Variants in TMEM132B observed in about 807,000 individuals in gnomAD.
The protein encoded by TMEM132B is transmembrane protein 132B.
In TMEM132B, 18 loss-of-function variants were observed where a neutral mutation model predicts 90.8. The ratio of observed to expected loss-of-function variants is 0.20; its 90% confidence interval spans 0.14 to 0.29. The LOEUF is 0.29. Among genes scored for constraint, TMEM132B ranks in the 10% least tolerant of loss-of-function variants. The pLI is 1.00. For missense variants in TMEM132B, 1,096 were observed against 1,326.8 expected (o/e 0.83, Z 2.70); for synonymous variants, 504 against 523.3 (o/e 0.96, Z 0.50).
chr12:125,521,177 A>T (rs1271022873), intron 4 of TMEM132B, among the ~76,000 whole-genome samples: 1 of 152,140 alleles, frequency 6.6e-6, no homozygotes, highest in Non-Finnish European at 1.5e-5. Flanking sequence ...TGGGTTTGGA[A>T]GCTACCACTG....
intron 1 of TMEM132B, among the ~76,000 whole-genome samples, chr12:125,332,018 C>T (rs1418255950): frequency 2.0e-5 from 3 of 152,134 alleles, no homozygotes; most frequent in East Asian, 1.9e-4. Context: ...GCTGGGATTA[C>T]AGACGTGAGC....
At chr12:125,430,468 A>G (rs1880467361) in intron 3 of TMEM132B, among the ~76,000 whole-genome samples, 1 of 152,194 alleles carries the variant, frequency 6.6e-6, no homozygotes, top group African/African-American at 2.4e-5. Context: ...GATGGGAGGA[A>G]TGAGGAGAAG....
chr12:125,638,209 C>T (rs1357952143), intron 5 of TMEM132B, among the ~76,000 whole-genome samples: 1 of 152,160 alleles, frequency 6.6e-6, no homozygotes, highest in Non-Finnish European at 1.5e-5. Context: ...CCTTAACTAG[C>T]AGCCTCTCCT....
At chr12:125,356,935 G>A (rs1877793954) in intron 2 of TMEM132B, among the ~76,000 whole-genome samples, 4 of 152,196 alleles carry the variant, frequency 2.6e-5, no homozygotes, top group South Asian at 2.1e-4. Context: ...TTGTGTTAAC[G>A]ACGTAAGATA....
intron 4 of TMEM132B, among the ~76,000 whole-genome samples, chr12:125,520,229 G>T (rs1883273887): frequency 6.6e-6 from 1 of 152,164 alleles, no homozygotes; most frequent in South Asian, 2.1e-4. Context: ...TGAGATCAGG[G>T]TCATGGGTGA....
At position 125,605,837 on chromosome 12, in the gene TMEM132B, A is replaced by T. The variant is rs553843913; in HGVS notation, c.1437+21843A>T. ...TTTCAGATCCAAGCCGACTGACTGA[A>T]GAAGATGAGAGAGGAAATTATTTTG... is the stretch of plus-strand genomic sequence containing the variant. On this transcript the variant is annotated intron_variant, in intron 5 of 8. Coordinates refer to ENST00000682704, the MANE Select transcript of TMEM132B (RefSeq NM_001366854.1). Among the ~76,000 whole-genome samples, 17 of 152,330 alleles carry T rather than the reference A, an allele frequency of 1.1e-4. No homozygotes were observed. The South Asian group carries it at 3.5e-3, about 32-fold the overall frequency.
chr12:125,498,278 A>C lies in TMEM132B; in HGVS notation c.1107-21161A>C, dbSNP rs765312971. On this transcript the variant is annotated intron_variant, in intron 3 of 8. Transcript: ENST00000682704. The surrounding 1 kb of genome is among the most constrained non-coding windows in gnomAD (Gnocchi z 4.5). ...TAATTTACATGGGAATGCTGAGTTGATGGCTAGGTGTTTTTTCTGTTTAGC... is the reference window on the plus strand; with the variant it reads ...TAATTTACATGGGAATGCTGAGTTGCTGGCTAGGTGTTTTTTCTGTTTAGC... Among the ~76,000 whole-genome samples the C allele has an allele frequency of 6.6e-6, 1 of 152,214 alleles. No individual in the cohort carries two copies. The highest frequency in any genetic ancestry group is 1.5e-5 in the Non-Finnish European group (1 of 68,044).
At chr12:125,571,370 G>C (rs1054394800) in intron 4 of TMEM132B, among the ~76,000 whole-genome samples, 7 of 152,202 alleles carry the variant, frequency 4.6e-5, no homozygotes, top group African/African-American at 1.7e-4. Flanking sequence ...GTGTTTATCA[G>C]GTACTTACAA....
At chr12:125,413,862 A>G (rs1879930582) in intron 2 of TMEM132B, among the ~76,000 whole-genome samples, 1 of 149,602 alleles carries the variant, frequency 6.7e-6, no homozygotes, top group African/African-American at 2.5e-5. Context: ...TATACCTAGG[A>G]GTGGAATTGC....
intron 4 of TMEM132B, among the ~76,000 whole-genome samples, chr12:125,571,879 A>G (rs754846184): frequency 5.3e-5 from 8 of 152,318 alleles, no homozygotes; most frequent in Middle Eastern, 3.4e-3. Context: ...TTGTTCCCAG[A>G]CCATATTCAA....
chr12:125,501,901 A>T (rs1882705593), intron 3 of TMEM132B, among the ~76,000 whole-genome samples: 1 of 152,224 alleles, frequency 6.6e-6, no homozygotes, highest in Non-Finnish European at 1.5e-5. Context: ...CCCATGAGGA[A>T]TAACCGTTCA....
intron 2 of TMEM132B, among the ~76,000 whole-genome samples, chr12:125,402,282 C>G (rs189535572): frequency 2.0e-5 from 3 of 152,166 alleles, no homozygotes; most frequent in Non-Finnish European, 4.4e-5. Context: ...CTCCACCACC[C>G]GGGTTCAAGC....
At chr12:125,517,345 T>TGG (rs1566060744) in intron 3 of TMEM132B, among the ~76,000 whole-genome samples, 1 of 69,058 alleles carries the variant, frequency 1.4e-5, no homozygotes, top group African/African-American at 5.8e-5. Context: ...TTTTTTTTTT[T>TGG]TTTTTTTTTT....
intron 4 of TMEM132B, among the ~76,000 whole-genome samples, chr12:125,558,981 AG>A (rs1884457803): frequency 6.6e-6 from 1 of 152,230 alleles, no homozygotes. Context: ...TGTGGTTTAG[AG>A]TATCAGGTTT....
chr12:125,242,092 T>C (rs770214674), intron 1 of TMEM132B, among the ~76,000 whole-genome samples: 3 of 152,190 alleles, frequency 2.0e-5, no homozygotes, highest in Non-Finnish European at 4.4e-5. Context: ...TAAAATACCA[T>C]AGGAGAGCTC....
At chr12:125,262,980 A>G (rs1874602511) in intron 1 of TMEM132B, among the ~76,000 whole-genome samples, 1 of 152,130 alleles carries the variant, frequency 6.6e-6, no homozygotes, top group African/African-American at 2.4e-5. Context: ...TTGAGCATGG[A>G]GTGGATTGGA....
chr12:125,461,382 C>T (rs926284117), intron 3 of TMEM132B, among the ~76,000 whole-genome samples: 3 of 152,194 alleles, frequency 2.0e-5, no homozygotes, highest in Non-Finnish European at 2.9e-5. Context: ...AGGGTCAAAC[C>T]CACACATGCT....
intron 3 of TMEM132B, among the ~76,000 whole-genome samples, chr12:125,516,266 C>A (rs187422871): frequency 2.0e-5 from 3 of 152,290 alleles, no homozygotes; most frequent in Admixed American, 6.5e-5. Context: ...GATCCTGATT[C>A]CTGAAAGGCG....
rs1877461418 is a variant in TMEM132B at position 125,349,027 on chromosome 12, C to G, written c.68-425C>G. On this transcript the variant is annotated intron_variant, in intron 1 of 8. Coordinates refer to ENST00000682704, the MANE Select transcript of TMEM132B (RefSeq NM_001366854.1). This position sits in a 1 kb window ranked among gnomAD's most constrained non-coding sequence, Gnocchi z 4.1. ...TACTTATAGAAGTGATAGAGAGCAG[C>G]ATAAATATCAAAGTAATAAGGCACT... Among the ~76,000 whole-genome samples, 1 of 152,170 alleles carries G rather than the reference C, an allele frequency of 6.6e-6. No homozygotes were observed. The highest frequency in any genetic ancestry group is 1.5e-5 in the Non-Finnish European group (1 of 68,040).
Sources: allele counts gnomAD v4.1 joint callset (sites outside exome capture counted in the v4.1 genomes callset), GRCh38; gene constraint gnomAD v4.1.1; non-coding constraint Gnocchi (gnomAD v3.1); transcripts MANE v1.5; gene names NCBI Gene and HGNC (gene_info 2026-07-23, HGNC 2026-07-21).